The following DYM variants were observed in gnomAD, a reference collection of about 807,000 sequenced individuals.
DYM encodes dyggve-Melchior-Clausen syndrome protein.
Under a neutral mutation model 93.1 loss-of-function variants are expected in DYM, and 78 were observed. That is an observed-to-expected ratio of 0.84 (90% CI 0.70 to 1.01). The LOEUF (loss-of-function observed/expected upper bound fraction) is 1.01, where lower values mean the gene tolerates loss of function less well. Among genes scored for constraint, DYM ranks in the 50% least tolerant of loss-of-function variants. The probability of loss-of-function intolerance (pLI) is 0.00; values close to 1 mark genes in which losing one functional copy is unlikely to be tolerated. For missense variants in DYM, 789 were observed against 845.0 expected (o/e 0.93, Z 0.82); for synonymous variants, 321 against 319.7 (o/e 1.00, Z -0.04).
intron 13 of DYM, among the ~76,000 whole-genome samples, chr18:49,240,494 A>G (rs994527843): frequency 1.3e-5 from 2 of 151,800 alleles, no homozygotes; most frequent in African/African-American, 4.9e-5. Context: ...CAGATCTTCC[A>G]AATGTTGACA....
At chr18:49,430,497 C>G (rs1450724572) in intron 1 of DYM, 50 bp from the exon 2 acceptor site, 6 of 1,351,040 alleles carry the variant, frequency 4.4e-6, no homozygotes, top group Non-Finnish European at 6.2e-6. Context: ...AGTCATCATG[C>G]TTTGTCTACC....
chr18:49,403,599 C>T (rs1004580113), intron 2 of DYM, among the ~76,000 whole-genome samples: 1 of 151,914 alleles, frequency 6.6e-6, no homozygotes, highest in Non-Finnish European at 1.5e-5. Flanking sequence ...TAAATTTCAA[C>T]TTTTATTTTG....
intron 6 of DYM, among the ~76,000 whole-genome samples, chr18:49,336,527 AC>A (rs2063688292): frequency 6.6e-6 from 1 of 152,060 alleles, no homozygotes; most frequent in Admixed American, 6.5e-5. Flanking sequence ...CAAGCTAAAA[AC>A]CCATTTCCCC....
intron 17 of DYM, among the ~76,000 whole-genome samples, chr18:49,058,803 T>C (rs901908341): frequency 6.6e-6 from 1 of 152,206 alleles, no homozygotes; most frequent in African/African-American, 2.4e-5. Flanking sequence ...CAACATACTA[T>C]AATAAGACAC....
At chr18:49,094,162 T>C (rs527268403) in intron 17 of DYM, among the ~76,000 whole-genome samples, 71 of 152,274 alleles carry the variant, frequency 4.7e-4, no homozygotes, top group Non-Finnish European at 6.9e-4. Flanking sequence ...TCAAATGACA[T>C]AGATAATTCA....
At chr18:49,352,273 C>T (rs1411311201) in intron 6 of DYM, among the ~76,000 whole-genome samples, 2 of 151,980 alleles carry the variant, frequency 1.3e-5, no homozygotes, top group South Asian at 2.1e-4. Context: ...GAAAATGTTC[C>T]GGTATTAGAT....
chr18:49,173,438 C>T (rs1299058604), intron 14 of DYM, among the ~76,000 whole-genome samples: 1 of 152,054 alleles, frequency 6.6e-6, no homozygotes, highest in East Asian at 1.9e-4. Context: ...TAAAATCACC[C>T]TGTTTACTTA....
chr18:49,341,049 C>A (rs947877163), intron 6 of DYM, among the ~76,000 whole-genome samples: 3 of 152,114 alleles, frequency 2.0e-5, no homozygotes, highest in African/African-American at 7.2e-5. Flanking sequence ...ATTTGTAACC[C>A]CCAAATCACT....
intron 8 of DYM, among the ~76,000 whole-genome samples, chr18:49,331,412 T>C (rs1482185816): frequency 1.3e-5 from 2 of 152,208 alleles, no homozygotes. Context: ...ATTACAAAAT[T>C]CTGCAAAATA....
chr18:49,321,407 G>A (rs1456520483), intron 8 of DYM: 1 of 398,000 alleles, frequency 2.5e-6, no homozygotes, highest in Non-Finnish European at 4.4e-6. Flanking sequence ...AGTAGAAGGT[G>A]GGCTTAATGA....
At chr18:49,362,301 C>A (rs1786089199) in intron 6 of DYM, among the ~76,000 whole-genome samples, 1 of 152,020 alleles carries the variant, frequency 6.6e-6, no homozygotes. Flanking sequence ...AGTTCGAGAC[C>A]AACCTGGCCA....
chr18:49,371,775 T>C (rs763702346), intron 5 of DYM, among the ~76,000 whole-genome samples: 6 of 152,240 alleles, frequency 3.9e-5, no homozygotes, highest in Non-Finnish European at 8.8e-5. Context: ...CATGGACTAA[T>C]GGAAGAGCTA....
At chr18:49,321,779 TG>T (rs2146600860) in intron 8 of DYM, among the ~76,000 whole-genome samples, 1 of 152,250 alleles carries the variant, frequency 6.6e-6, no homozygotes, top group East Asian at 1.9e-4. Context: ...TCATTCTTTC[TG>T]TGAGCACGTA....
chr18:49,434,924 T>C (rs1463399617), intron 1 of DYM, among the ~76,000 whole-genome samples: 2 of 152,050 alleles, frequency 1.3e-5, no homozygotes, highest in Non-Finnish European at 2.9e-5. Context: ...TAAAAACTTT[T>C]GGGCCAGGTG....
chr18:49,288,682 A>G (rs912422607), intron 8 of DYM, among the ~76,000 whole-genome samples: 3 of 152,064 alleles, frequency 2.0e-5, no homozygotes, highest in African/African-American at 7.2e-5. Flanking sequence ...TGGGAGGCTG[A>G]GGCGGGAGAA....
intron 5 of DYM, among the ~76,000 whole-genome samples, chr18:49,374,069 T>G (rs2147588057): frequency 6.6e-6 from 1 of 152,260 alleles, no homozygotes; most frequent in South Asian, 2.1e-4. Flanking sequence ...AAACTCAAAC[T>G]CAATGTATAA....
At chr18:49,443,908 T>C (rs191875363) in intron 1 of DYM, among the ~76,000 whole-genome samples, 30 of 152,314 alleles carry the variant, frequency 2.0e-4, no homozygotes, top group Non-Finnish European at 3.7e-4. Context: ...CATCCTACTC[T>C]TTCCATGAAA....
At chr18:49,373,177 G>C (rs997431413) in intron 5 of DYM, among the ~76,000 whole-genome samples, 8 of 152,114 alleles carry the variant, frequency 5.3e-5, no homozygotes, top group South Asian at 4.2e-4. Context: ...TACAGGAAAG[G>C]GGTCCCAATC....
At chr18:49,112,111 C>T (rs2081459291) in intron 16 of DYM, among the ~76,000 whole-genome samples, 2 of 152,096 alleles carry the variant, frequency 1.3e-5, no homozygotes, top group African/African-American at 4.8e-5. Context: ...GCCTCTGCAC[C>T]CGCCTCCTCT....
Sources: allele counts gnomAD v4.1 joint callset (sites outside exome capture counted in the v4.1 genomes callset), GRCh38; gene constraint gnomAD v4.1.1; transcripts MANE v1.5; gene names NCBI Gene and HGNC (gene_info 2026-07-23, HGNC 2026-07-21).